The following CHODL variants were observed in gnomAD, a reference collection of about 807,000 sequenced individuals.
CHODL encodes the protein transmembrane protein MT75.
In CHODL, 29 loss-of-function variants were observed where a neutral mutation model predicts 34.5. The observed-to-expected ratio is 0.84, with a 90% CI of 0.63 to 1.15. The LOEUF (loss-of-function observed/expected upper bound fraction) is 1.15. CHODL is among the 50% of genes most tolerant of loss of function. The pLI is 0.00. For missense variants in CHODL, 332 were observed against 332.5 expected (o/e 1.00, Z 0.01); for synonymous variants, 125 against 116.1 (o/e 1.08, Z -0.49).
At chr21:17,972,494 A>T (rs181174240) in intron 1 of CHODL, among the ~76,000 whole-genome samples, 87 of 152,296 alleles carry the variant, frequency 5.7e-4, no homozygotes, top group African/African-American at 1.5e-3. Context: ...CCTATACACC[A>T]ATAATAGACA....
intron 2 of CHODL, among the ~76,000 whole-genome samples, chr21:18,091,058 C>T (rs934652825): frequency 1.3e-5 from 2 of 152,214 alleles, no homozygotes; most frequent in Non-Finnish European, 2.9e-5. Context: ...AGCACAGCAC[C>T]TGGGGGACTT....
intron 1 of CHODL, among the ~76,000 whole-genome samples, chr21:18,251,309 G>T (rs1398581580): frequency 1.3e-5 from 2 of 148,572 alleles, no homozygotes; most frequent in Non-Finnish European, 3.0e-5. Context: ...TAAATAAAAG[G>T]GCCTGTTTAT....
At chr21:17,944,130 A>G (rs886211999) in intron 1 of CHODL, among the ~76,000 whole-genome samples, 2 of 152,080 alleles carry the variant, frequency 1.3e-5, no homozygotes, top group East Asian at 1.9e-4. Flanking sequence ...TACCCTGCCC[A>G]ATTAGGGAGA....
At chr21:18,037,211 C>G (rs190053576) in intron 2 of CHODL, among the ~76,000 whole-genome samples, 2 of 151,822 alleles carry the variant, frequency 1.3e-5, no homozygotes, top group South Asian at 4.1e-4. Flanking sequence ...ATACAGCAAG[C>G]GATCCTATGT....
intron 1 of CHODL, among the ~76,000 whole-genome samples, chr21:17,923,691 G>C (rs1448976826): frequency 6.6e-6 from 1 of 152,018 alleles, no homozygotes; most frequent in East Asian, 1.9e-4. Flanking sequence ...TCAAACTCCT[G>C]ACCTCGTGAT....
intron 2 of CHODL, among the ~76,000 whole-genome samples, chr21:18,234,329 A>G (rs1188771964): frequency 3.9e-5 from 6 of 152,056 alleles, no homozygotes; most frequent in Non-Finnish European, 7.4e-5. Flanking sequence ...GGTGTGCAGG[A>G]AATGGAAGCA....
At chr21:18,208,382 T>C (rs1324949577) in intron 2 of CHODL, among the ~76,000 whole-genome samples, 2 of 152,182 alleles carry the variant, frequency 1.3e-5, no homozygotes, top group Non-Finnish European at 2.9e-5. Flanking sequence ...CTGAATTCCT[T>C]CTCTGTGTTA....
chr21:18,152,803 G>C (rs2072986839), intron 2 of CHODL, among the ~76,000 whole-genome samples: 1 of 152,190 alleles, frequency 6.6e-6, no homozygotes, highest in African/African-American at 2.4e-5. Flanking sequence ...GACCATCTTA[G>C]AATTCTGCCC....
chr21:17,999,484 C>T lies in CHODL; in HGVS notation c.-144-28388C>T, dbSNP rs566254552. ...ACTGTATTAGTTTGTCTTCACACTG[C>T]TAATAAACACATACGTGAAACTGTG... On this transcript the variant is annotated intron_variant, in intron 1 of 6. Transcript: ENST00000400127. Among the ~76,000 whole-genome samples the T allele has an allele frequency of 5.9e-5, 9 of 152,232 alleles. No homozygotes were observed. The East Asian group carries it at 1.7e-3, about 29-fold the overall frequency.
intron 2 of CHODL, among the ~76,000 whole-genome samples, chr21:18,073,039 C>T (rs118118090): frequency 6.6e-6 from 1 of 152,170 alleles, no homozygotes; most frequent in Non-Finnish European, 1.5e-5. Flanking sequence ...GTAACAATAA[C>T]ATTTAGATAA....
chr21:18,055,911 CATG>C (rs1367098260), intron 2 of CHODL, among the ~76,000 whole-genome samples: 1 of 151,982 alleles, frequency 6.6e-6, no homozygotes, highest in African/African-American at 2.4e-5. Context: ...TTAATGGTGA[CATG>C]ATGATATCTC....
At chr21:17,951,769 T>C (rs1024263495) in intron 1 of CHODL, among the ~76,000 whole-genome samples, 1 of 152,066 alleles carries the variant, frequency 6.6e-6, no homozygotes, top group Non-Finnish European at 1.5e-5. Flanking sequence ...CACATCAAAA[T>C]AAACTATTCA....
intron 2 of CHODL, among the ~76,000 whole-genome samples, chr21:18,175,072 A>G (rs886363561): frequency 4.6e-5 from 7 of 152,192 alleles, no homozygotes; most frequent in African/African-American, 1.7e-4. Context: ...TCTGTGAAGC[A>G]CTTAGACTAA....
In CHODL at chr21:18,248,413, C is replaced by T. The variant is rs377153625; in HGVS notation, c.79+3111C>T. On this transcript the variant is annotated intron_variant, in intron 1 of 5. Transcript: ENST00000299295. ...AGATGCAATTACTTTAAGTATCTCT[C>T]GGGCATGAAAGGAACAAATTAATCT... Among the ~76,000 whole-genome samples, 30 of 150,884 alleles carry T rather than the reference C, an allele frequency of 2.0e-4. 2 individuals carry two copies. Among genetic ancestry groups the T allele is most frequent in the Admixed American group, 1.3e-3 (19 of 15,028 alleles).
chr21:18,070,805 C>T (rs1166731579), intron 2 of CHODL, among the ~76,000 whole-genome samples: 2 of 152,054 alleles, frequency 1.3e-5, no homozygotes, highest in Non-Finnish European at 2.9e-5. Flanking sequence ...TGCTTGTACC[C>T]TAGTGACTTC....
rs1442227483 is a variant in CHODL, at chr21:18,010,342, A to AT, written c.-144-17530_-144-17529insT. Among the ~76,000 whole-genome samples, 3 of 151,164 alleles carry AT rather than the reference A, an allele frequency of 2.0e-5. No homozygotes were observed. In the East Asian group the frequency reaches 5.8e-4, roughly 29 times the overall value. On this transcript the variant is annotated intron_variant, in intron 1 of 6. Transcript: ENST00000400127. ...AAAAAAGAAGAAAAAGGAAAAAAAA[A>AT]GAAAACTGGTTCAACTCAGGAAAGT... is the stretch of plus-strand genomic sequence containing the variant.
intron 2 of CHODL, among the ~76,000 whole-genome samples, chr21:18,173,488 T>C (rs377334420): frequency 6.6e-6 from 1 of 152,228 alleles, no homozygotes; most frequent in African/African-American, 2.4e-5. Context: ...AGCATTACTA[T>C]AGAGTAATAG....
chr21:18,184,925 A>G (rs896268626), intron 2 of CHODL, among the ~76,000 whole-genome samples: 1 of 152,200 alleles, frequency 6.6e-6, no homozygotes, highest in Non-Finnish European at 1.5e-5. Flanking sequence ...CCAAGTTGCA[A>G]ATACTACTCA....
Position 18,266,160 on chromosome 21 carries a change from C to T in CHODL, c.*122C>T. On this transcript the variant is annotated 3_prime_UTR_variant, in exon 6 of 6. Coordinates refer to ENST00000299295, the MANE Select transcript of CHODL (RefSeq NM_024944.3). Reference sequence around the variant, plus strand: ...TCTGCAAGATGAACTGTAAGCTCCCCCTTGAGGCAAATATTAAAGTAATTT... The same window carrying T: ...TCTGCAAGATGAACTGTAAGCTCCCTCTTGAGGCAAATATTAAAGTAATTT... 1 of 1,578,944 alleles carries T rather than the reference C, an allele frequency of 6.3e-7. No homozygotes were observed. Among genetic ancestry groups the T allele is most frequent in the Non-Finnish European group, 8.6e-7 (1 of 1,160,434 alleles).
Sources: gnomAD v4.1 joint callset for allele counts (sites outside exome capture counted in the v4.1 genomes callset) on GRCh38, gnomAD v4.1.1 for gene constraint, MANE v1.5 for transcripts, NCBI Gene and HGNC (gene_info 2026-07-23, HGNC 2026-07-21) for gene names.